The following KREMEN1 variants were observed in gnomAD, a reference collection of about 807,000 sequenced individuals.
KREMEN1 encodes kringle containing transmembrane protein 1.
KREMEN1 carries 30 observed loss-of-function variants against 46.5 expected under a neutral mutation model. The ratio of observed to expected loss-of-function variants is 0.65; its 90% CI spans 0.48 to 0.88. The LOEUF is 0.88. KREMEN1 is among the 40% of genes least tolerant of loss of function. KREMEN1 has a pLI of 0.00. For missense variants in KREMEN1, 533 were observed against 596.9 expected, an observed-to-expected ratio of 0.89 and a Z score of 1.11; for synonymous variants, 214 against 230.6, an observed-to-expected ratio of 0.93 and a Z score of 0.65.
At position 29,094,366 on chromosome 22, in the gene KREMEN1, A is replaced by G. The variant is rs982410323; in HGVS notation, c.206A>G (p.Asn69Ser). 11 of 1,613,992 alleles carry G rather than the reference A, an allele frequency of 6.8e-6. No individual in the cohort carries two copies. The highest frequency in any genetic ancestry group is 6.6e-5 in the South Asian group (6 of 91,058). The change falls in exon 2 of 9, where the codon AAC (asparagine) becomes AGC (serine). Residue 69 changes from asparagine to serine, a missense_variant. Asn to Ser is a conservative substitution (Grantham distance 46). Coordinates refer to ENST00000400335, the MANE Select transcript of KREMEN1 (RefSeq NM_001039570.3). ...AACGAGACTTTCCAGCATCCATACA[A>G]CACTCTGAAATACCCCAACGGGGAG... ...FWNETFQHPY[N>S]TLKYPNGEGG...
intron 8 of KREMEN1, among the ~76,000 whole-genome samples, chr22:29,141,109 A>G (rs1005844755): frequency 2.0e-5 from 3 of 152,154 alleles, no homozygotes; most frequent in African/African-American, 7.2e-5. Context: ...CAGACTTCTT[A>G]TACATTAAAT....
At chr22:29,156,443 AC>A (rs1169354064) in intron 9 of KREMEN1, among the ~76,000 whole-genome samples, 1 of 152,274 alleles carries the variant, frequency 6.6e-6, no homozygotes, top group Non-Finnish European at 1.5e-5. Flanking sequence ...ACCCTCAGCA[AC>A]CAGGGCGTCT....
chr22:29,137,715 C>T lies in KREMEN1; in HGVS notation c.964+41C>T, dbSNP rs114157586. On this transcript the variant is annotated intron_variant, in intron 6 of 8. Transcript: ENST00000400335. Reference sequence around the variant, plus strand: ...CTCCTTGGGGGTTCTTCAGGGCCCACGTGCCTTGGGCTTCTCTTCTTCACC... The same window carrying T: ...CTCCTTGGGGGTTCTTCAGGGCCCATGTGCCTTGGGCTTCTCTTCTTCACC... The T allele has an allele frequency of 2.1e-5, 31 of 1,483,184 alleles. No homozygotes were observed. The South Asian group carries it at 2.7e-4, about 13-fold the overall frequency. The allele number at this position is 1,483,184 out of a possible 1,614,324, so 91.9% of individuals were successfully genotyped here. A position where few individuals can be genotyped will look rare whatever the true frequency, so the allele number is the denominator to read the frequency against.
chr22:29,101,882 A>G (rs1412783464), intron 3 of KREMEN1, among the ~76,000 whole-genome samples: 1 of 152,232 alleles, frequency 6.6e-6, no homozygotes, highest in East Asian at 1.9e-4. Context: ...CTTGCCTAAG[A>G]GATACATGAC....
intron 3 of KREMEN1, among the ~76,000 whole-genome samples, chr22:29,116,432 G>A (rs1292049260): frequency 6.6e-6 from 1 of 152,188 alleles, no homozygotes; most frequent in African/African-American, 2.4e-5. Flanking sequence ...GTTCAAATGG[G>A]TTAGAAGGGC....
At chr22:29,084,733 C>T (rs1040089265) in intron 1 of KREMEN1, among the ~76,000 whole-genome samples, 1 of 152,104 alleles carries the variant, frequency 6.6e-6, no homozygotes, top group Non-Finnish European at 1.5e-5. Flanking sequence ...TTATGCTTAC[C>T]CTGTAAGTTC....
chr22:29,102,327 A>G (rs2037990202), intron 3 of KREMEN1, among the ~76,000 whole-genome samples: 1 of 152,160 alleles, frequency 6.6e-6, no homozygotes, highest in Non-Finnish European at 1.5e-5. Context: ...CCAGTCCCCA[A>G]ACTTAGAAAA....
chr22:29,108,202 G>A (rs151209119), intron 3 of KREMEN1, among the ~76,000 whole-genome samples: 12 of 152,348 alleles, frequency 7.9e-5, no homozygotes, highest in African/African-American at 2.2e-4. Context: ...CAGGAGAATC[G>A]CTTGAACCCA....
In KREMEN1 at chr22:29,143,352, G is replaced by A; in HGVS notation, c.*1240G>A. On this transcript the variant is annotated 3_prime_UTR_variant, in exon 9 of 9. Transcript: ENST00000400335. Reference sequence around the variant, plus strand: ...CTCAGCTAACTCTCAGTTCAGAGTGGAGAGTATCAATCTTGTGTTTTTGCC... The same window carrying A: ...CTCAGCTAACTCTCAGTTCAGAGTGAAGAGTATCAATCTTGTGTTTTTGCC... The A allele has an allele frequency of 1.0e-6, 1 of 985,446 alleles. No individual in the cohort carries two copies. The highest frequency in any genetic ancestry group is 1.2e-6 in the Non-Finnish European group (1 of 829,964). The allele number at this position is 985,446 out of a possible 1,614,324, so 61.0% of individuals were successfully genotyped here.
intron 9 of KREMEN1, among the ~76,000 whole-genome samples, chr22:29,152,339 T>G (rs1335609996): frequency 6.6e-6 from 1 of 152,144 alleles, no homozygotes; most frequent in Non-Finnish European, 1.5e-5. Context: ...TTGTTTTGCG[T>G]CTCCCAGGTT....
At position 29,160,476 on chromosome 22, in the gene KREMEN1, G is replaced by A. The variant is rs144416483; in HGVS notation, c.1417-6568G>A. Among the ~76,000 whole-genome samples, 495 of 148,912 alleles carry A rather than the reference G, an allele frequency of 3.3e-3. 4 individuals are homozygous for A. The East Asian group carries it at 0.038, about 11-fold the overall frequency. On this transcript the variant is annotated intron_variant, in intron 9 of 9. Transcript: ENST00000327813. ...AATCACTTGAACCTGGGAGATGGAG[G>A]TTGCAGTGAGCCGAGATCATGCCAC...
intron 5 of KREMEN1, among the ~76,000 whole-genome samples, chr22:29,127,308 G>A (rs2038460403): frequency 1.3e-5 from 2 of 152,198 alleles, no homozygotes; most frequent in South Asian, 4.1e-4. Context: ...GAGGAGTAGT[G>A]TGAGGGTTTA....
chr22:29,117,075 G>A (rs1021414138), intron 3 of KREMEN1, among the ~76,000 whole-genome samples: 1 of 152,146 alleles, frequency 6.6e-6, no homozygotes, highest in East Asian at 1.9e-4. Context: ...TGAGTCTTTG[G>A]GTTAACAGAG....
At chr22:29,161,371 G>A (rs1601825673) in intron 9 of KREMEN1, among the ~76,000 whole-genome samples, 1 of 151,992 alleles carries the variant, frequency 6.6e-6, no homozygotes, top group Non-Finnish European at 1.5e-5. Flanking sequence ...GCCAGGCGTG[G>A]TGGCAGGCGC....
chr22:29,163,140 C>T lies in KREMEN1; in HGVS notation c.1417-3904C>T, dbSNP rs144310080. On this transcript the variant is annotated intron_variant, in intron 9 of 9. Transcript: ENST00000327813. ...AAGGATTACCGGGGCAATTCCCCAC[C>T]GCCCCGCCGTTCTCGTGATAGTGAG... Among the ~76,000 whole-genome samples the T allele has an allele frequency of 9.8e-3, 1,485 of 152,114 alleles. 11 individuals carry two copies. Among genetic ancestry groups the T allele is most frequent in the Non-Finnish European group, 0.015 (1,008 of 68,006 alleles).
chr22:29,120,408 T>G (rs2038325758), intron 3 of KREMEN1, among the ~76,000 whole-genome samples: 8 of 100,360 alleles, frequency 8.0e-5, no homozygotes, highest in East Asian at 3.4e-4. Flanking sequence ...GAGGGAGAGG[T>G]GATGAAGGAA....
At chr22:29,149,001 C>G (rs1306290440), downstream of KREMEN1, among the ~76,000 whole-genome samples, 1 of 152,078 alleles carries the variant, frequency 6.6e-6, no homozygotes, top group Non-Finnish European at 1.5e-5. Context: ...TGTTAAACTT[C>G]AGGTTCCCGG....
At chr22:29,138,333 A>G (rs1337064700) in intron 6 of KREMEN1, among the ~76,000 whole-genome samples, 1 of 152,232 alleles carries the variant, frequency 6.6e-6, no homozygotes, top group Non-Finnish European at 1.5e-5. Context: ...CCTTCCAGGC[A>G]TAGGGAGCCA....
intron 5 of KREMEN1, among the ~76,000 whole-genome samples, chr22:29,131,546 ATATATATATATATATGTGTGTGTGTGTG>A (rs2038536638): frequency 2.2e-5 from 1 of 46,370 alleles, no homozygotes; most frequent in Non-Finnish European, 4.0e-5. Flanking sequence ...ATATATATAT[ATATATATATATATATGTGTGTGTGTGTG>A]TGTGTGTGTG....
Sources: gnomAD v4.1 joint callset for allele counts (sites outside exome capture counted in the v4.1 genomes callset) on GRCh38, gnomAD v4.1.1 for gene constraint, MANE v1.5 for transcripts, NCBI Gene and HGNC (gene_info 2026-07-23, HGNC 2026-07-21) for gene names.